GPHN: variants seen among roughly 807,000 people sequenced by gnomAD.
GPHN encodes gephyrin.
In GPHN, 17 loss-of-function variants were observed where a neutral mutation model predicts 95.5. That is an observed-to-expected ratio of 0.18 (90% confidence interval 0.12 to 0.27). The LOEUF is 0.27. Ranked by LOEUF, GPHN falls within the 10% of genes least tolerant of loss-of-function variation. The pLI is 1.00. For synonymous variants in GPHN, 320 were observed against 322.5 expected (o/e 0.99, Z 0.08); for missense variants, 660 against 978.1 (o/e 0.67, Z 4.34).
At chr14:67,540,565 G>A in the GPHN span, among the ~76,000 whole-genome samples, 3 of 151,018 alleles carry the variant, frequency 2.0e-5, no homozygotes, top group African/African-American at 7.3e-5. Flanking sequence ...GGCAGAGGTT[G>A]TAGTGAGCCA....
At chr14:67,722,589 G>T in the GPHN span, 11 of 1,472,538 alleles carry the variant, frequency 7.5e-6, no homozygotes, top group African/African-American at 1.4e-5. Flanking sequence ...AGCCAGAGCT[G>T]GGGTTGAAGC....
chr14:67,321,074 C>G, the GPHN span: 1 of 1,614,016 alleles, frequency 6.2e-7, no homozygotes, highest in Non-Finnish European at 8.5e-7. Context: ...CCGGAGTAGG[C>G]GAGACCAAGA....
At chr14:66,773,974 T>C (rs1478676106) in intron 2 of GPHN, among the ~76,000 whole-genome samples, 1 of 150,832 alleles carries the variant, frequency 6.6e-6, no homozygotes, top group African/African-American at 2.4e-5. Context: ...ATAAGGTAAT[T>C]GAGCATCATA....
chr14:66,606,857 GT>G (rs1345644113), intron 1 of GPHN, among the ~76,000 whole-genome samples: 1 of 152,038 alleles, frequency 6.6e-6, no homozygotes, highest in African/African-American at 2.4e-5. Flanking sequence ...CATCTTTAAT[GT>G]TTTCTAGGTA....
the GPHN span, among the ~76,000 whole-genome samples, chr14:67,594,328 A>G: frequency 1.3e-5 from 2 of 152,080 alleles, no homozygotes; most frequent in South Asian, 4.2e-4. Flanking sequence ...TAGCTTGGGT[A>G]CCAGCATAAG....
the GPHN span, chr14:67,278,928 A>G: frequency 5.9e-5 from 18 of 306,594 alleles, no homozygotes; most frequent in Non-Finnish European, 6.6e-5. Flanking sequence ...ATTATTTTCT[A>G]CGTTGTATGG....
chr14:66,798,940 T>C (rs2060251506), intron 3 of GPHN, among the ~76,000 whole-genome samples: 1 of 151,918 alleles, frequency 6.6e-6, no homozygotes, highest in South Asian at 2.1e-4. Flanking sequence ...TTTTTTAATG[T>C]AGGCCCTTAC....
chr14:67,267,254 A>T, the GPHN span, among the ~76,000 whole-genome samples: 1 of 152,024 alleles, frequency 6.6e-6, no homozygotes, highest in African/African-American at 2.4e-5. Flanking sequence ...AAAATTCATT[A>T]TTTATTTATT....
intron 3 of GPHN, among the ~76,000 whole-genome samples, chr14:66,813,393 A>C (rs1047821969): frequency 3.3e-5 from 5 of 152,210 alleles, no homozygotes; most frequent in African/African-American, 1.2e-4. Context: ...AGGAGAAGAC[A>C]TAGAAGCTGG....
chr14:67,183,866 T>C (rs1220534715), downstream of GPHN, among the ~76,000 whole-genome samples: 3 of 151,740 alleles, frequency 2.0e-5, no homozygotes, highest in African/African-American at 7.3e-5. Context: ...CTTTTCTTTT[T>C]TTTTTTAATA....
intron 1 of GPHN, among the ~76,000 whole-genome samples, chr14:66,642,968 G>A (rs570428814): frequency 6.6e-6 from 1 of 151,710 alleles, no homozygotes; most frequent in Non-Finnish European, 1.5e-5. Flanking sequence ...TTGATACATT[G>A]GATCACATTA....
At chr14:67,277,764 T>C in the GPHN span, among the ~76,000 whole-genome samples, 1 of 152,150 alleles carries the variant, frequency 6.6e-6, no homozygotes, top group South Asian at 2.1e-4. Flanking sequence ...ATCAAGTTAA[T>C]ACTGGTAATT....
the GPHN span, chr14:67,729,603 G>A: frequency 3.2e-6 from 2 of 630,938 alleles, no homozygotes; most frequent in Non-Finnish European, 2.8e-6. Flanking sequence ...CTCGTGTGCC[G>A]CTTTTCCATG....
chr14:67,274,120 G>A, the GPHN span, among the ~76,000 whole-genome samples: 19 of 152,064 alleles, frequency 1.2e-4, 1 homozygote, highest in East Asian at 1.7e-3. Context: ...GAAGCTCTTT[G>A]GTTTAATTAG....
chr14:67,650,872 T>C, the GPHN span: 5 of 1,614,146 alleles, frequency 3.1e-6, no homozygotes, highest in South Asian at 1.1e-5. Flanking sequence ...AACTTCCTAC[T>C]CCCAGTTCAC....
At chr14:66,540,974 G>A (rs1279195513) in intron 1 of GPHN, among the ~76,000 whole-genome samples, 1 of 151,158 alleles carries the variant, frequency 6.6e-6, no homozygotes. Flanking sequence ...CTGAGACGGA[G>A]TCTCCCACTG....
the GPHN span, chr14:67,674,515 C>T: frequency 3.7e-4 from 578 of 1,573,486 alleles, 6 homozygotes; most frequent in South Asian, 6.1e-3. Context: ...GGAGCAGCGG[C>T]CACCGAGATT....
chr14:66,758,559 G>A (rs1312755951), intron 2 of GPHN, among the ~76,000 whole-genome samples: 1 of 152,082 alleles, frequency 6.6e-6, no homozygotes, highest in Non-Finnish European at 1.5e-5. Context: ...GAGAAACTGG[G>A]TTATTAGAAG....
At chr14:67,058,043 GTC>G (rs2075675454) in intron 10 of GPHN, among the ~76,000 whole-genome samples, 1 of 152,114 alleles carries the variant, frequency 6.6e-6, no homozygotes, top group Non-Finnish European at 1.5e-5. Context: ...AAAAAAAACT[GTC>G]TGATCTGAGA....
Sources: allele counts gnomAD v4.1 joint callset (sites outside exome capture counted in the v4.1 genomes callset), GRCh38; gene constraint gnomAD v4.1.1; transcripts MANE v1.5; gene names NCBI Gene and HGNC (gene_info 2026-07-23, HGNC 2026-07-21).